Variants in KCNIP4 observed in about 807,000 individuals in gnomAD.
KCNIP4 encodes the protein potassium voltage-gated channel interacting protein 4, also known as Kv channel-interacting protein 4.
KCNIP4 carries 12 observed loss-of-function variants against 34.0 expected under a neutral mutation model. The observed-to-expected ratio is 0.35, with a 90% CI of 0.23 to 0.57. KCNIP4 has a LOEUF of 0.57. Among genes scored for constraint, KCNIP4 ranks in the 20% least tolerant of loss-of-function variants. The pLI is 0.83. For missense variants in KCNIP4, 238 were observed against 311.7 expected, an observed-to-expected ratio of 0.76 and a Z score of 1.78; for synonymous variants, 124 against 102.2, an observed-to-expected ratio of 1.21 and a Z score of -1.29.
chr4:21,696,025 G>A (rs1712272703), intron 1 of KCNIP4, among the ~76,000 whole-genome samples: 1 of 152,090 alleles, frequency 6.6e-6, no homozygotes, highest in Non-Finnish European at 1.5e-5. Context: ...GTTGGCAAAA[G>A]TCAGATACAG....
At chr4:20,863,488 C>T (rs1288805273) in intron 2 of KCNIP4, among the ~76,000 whole-genome samples, 1 of 152,136 alleles carries the variant, frequency 6.6e-6, no homozygotes, top group Admixed American at 6.6e-5. Context: ...CTGCCTGACC[C>T]CTAAACTATA....
At chr4:21,925,164 AT>A (rs1393528327) in intron 1 of KCNIP4, among the ~76,000 whole-genome samples, 1 of 151,990 alleles carries the variant, frequency 6.6e-6, no homozygotes, top group African/African-American at 2.4e-5. Flanking sequence ...TACATGTGCC[AT>A]GTTAGTGTGC....
intron 1 of KCNIP4, among the ~76,000 whole-genome samples, chr4:21,891,667 G>GT (rs1727103384): frequency 6.6e-6 from 1 of 152,054 alleles, no homozygotes; most frequent in African/African-American, 2.4e-5. Flanking sequence ...ATCATTTTGT[G>GT]TTTTTCTCAT....
intron 1 of KCNIP4, among the ~76,000 whole-genome samples, chr4:21,540,239 T>C (rs1304412068): frequency 6.6e-6 from 1 of 152,154 alleles, no homozygotes; most frequent in Non-Finnish European, 1.5e-5. Context: ...GAGGAGTCTG[T>C]TTTTTGCTTT....
At chr4:20,996,251 T>C (rs1340410965) in intron 1 of KCNIP4, among the ~76,000 whole-genome samples, 1 of 152,186 alleles carries the variant, frequency 6.6e-6, no homozygotes, top group Non-Finnish European at 1.5e-5. Context: ...TTTTGTTACT[T>C]TCGCTCTCAC....
chr4:21,840,694 C>A (rs541024175), intron 1 of KCNIP4, among the ~76,000 whole-genome samples: 140 of 152,246 alleles, frequency 9.2e-4, no homozygotes, highest in African/African-American at 3.3e-3. Flanking sequence ...TCTCTTAATA[C>A]CTTTTCACTA....
chr4:21,528,974 C>G (rs1248829097), intron 1 of KCNIP4, among the ~76,000 whole-genome samples: 1 of 151,976 alleles, frequency 6.6e-6, no homozygotes, highest in Non-Finnish European at 1.5e-5. Context: ...AATGAAAAGC[C>G]TGCTTAGGAT....
intron 1 of KCNIP4, among the ~76,000 whole-genome samples, chr4:21,153,448 CCTCTCT>C (rs965244473): frequency 2.3e-5 from 3 of 132,850 alleles, no homozygotes; most frequent in Non-Finnish European, 5.0e-5. Context: ...TCTCTCTGTC[CCTCTCT>C]CTCTCTCTCT....
chr4:20,847,459 A>C (rs1474970793), intron 3 of KCNIP4, among the ~76,000 whole-genome samples: 3 of 152,164 alleles, frequency 2.0e-5, no homozygotes, highest in African/African-American at 7.2e-5. Context: ...GGGGCCCAGG[A>C]ATCTGTGTCT....
intron 1 of KCNIP4, among the ~76,000 whole-genome samples, chr4:21,421,372 A>G (rs1725439890): frequency 6.6e-6 from 1 of 152,206 alleles, no homozygotes; most frequent in African/African-American, 2.4e-5. Flanking sequence ...AAACAATCCA[A>G]TTATCCATGG....
intron 1 of KCNIP4, among the ~76,000 whole-genome samples, chr4:21,234,296 A>G (rs1265723006): frequency 8.9e-6 from 1 of 112,198 alleles, no homozygotes; most frequent in Non-Finnish European, 1.6e-5. Context: ...CATATATTAT[A>G]TATAACATAT....
At chr4:21,666,762 T>C (rs1055907352) in intron 1 of KCNIP4, among the ~76,000 whole-genome samples, 3 of 152,286 alleles carry the variant, frequency 2.0e-5, no homozygotes, top group Admixed American at 2.0e-4. Flanking sequence ...AAAGCAAGAA[T>C]AGAACCTTCT....
intron 1 of KCNIP4, among the ~76,000 whole-genome samples, chr4:21,498,944 G>A (rs1006487427): frequency 2.0e-5 from 3 of 152,142 alleles, no homozygotes; most frequent in African/African-American, 7.2e-5. Flanking sequence ...AATTGTGCTG[G>A]CAAATGGTAA....
chr4:21,543,881 A>G (rs995664311), intron 1 of KCNIP4, among the ~76,000 whole-genome samples: 5 of 152,156 alleles, frequency 3.3e-5, no homozygotes, highest in Non-Finnish European at 7.3e-5. Context: ...CGCATTGTCT[A>G]CGATGGAATG....
At chr4:21,773,712 A>C (rs1577969557) in intron 1 of KCNIP4, among the ~76,000 whole-genome samples, 1 of 146,578 alleles carries the variant, frequency 6.8e-6, no homozygotes, top group African/African-American at 2.5e-5. Flanking sequence ...GTTTTGTAGG[A>C]GACTAGCATT....
At chr4:21,079,872 C>A (rs531009432) in intron 1 of KCNIP4, among the ~76,000 whole-genome samples, 3 of 151,772 alleles carry the variant, frequency 2.0e-5, no homozygotes, top group Admixed American at 6.6e-5. Context: ...GAAGCACCCA[C>A]AAGCCAAGTG....
At chr4:21,659,413 A>AT (rs566048467) in intron 1 of KCNIP4, among the ~76,000 whole-genome samples, 296 of 152,202 alleles carry the variant, frequency 1.9e-3, no homozygotes, top group African/African-American at 6.4e-3. Flanking sequence ...CTGATTATGC[A>AT]TTTTTTTGAA....
intron 1 of KCNIP4, among the ~76,000 whole-genome samples, chr4:21,659,022 A>G (rs906009613): frequency 2.0e-5 from 3 of 152,230 alleles, no homozygotes; most frequent in African/African-American, 7.2e-5. Flanking sequence ...AACAATATGT[A>G]TAATTTAATT....
intron 1 of KCNIP4, among the ~76,000 whole-genome samples, chr4:21,295,846 CA>C (rs543419046): frequency 4.3e-4 from 65 of 152,166 alleles, no homozygotes; most frequent in South Asian, 1.2e-3. Flanking sequence ...ATACATTTCT[CA>C]AACTCTGCAA....
Sources: gnomAD v4.1 joint callset for allele counts (sites outside exome capture counted in the v4.1 genomes callset) on GRCh38, gnomAD v4.1.1 for gene constraint, MANE v1.5 for transcripts, NCBI Gene and HGNC (gene_info 2026-07-23, HGNC 2026-07-21) for gene names.